Variants in BMP5 observed in about 807,000 individuals in gnomAD.
BMP5 encodes the protein bone morphogenetic protein 5.
In BMP5, 23 loss-of-function variants were observed where a neutral mutation model predicts 46.6. The observed-to-expected ratio is 0.49, with a 90% CI of 0.35 to 0.70. The LOEUF (loss-of-function observed/expected upper bound fraction) is 0.70, where lower values mean the gene tolerates loss of function less well. BMP5 is among the 30% of genes least tolerant of loss of function. The probability of loss-of-function intolerance (pLI) is 0.00; values close to 1 mark genes in which losing one functional copy is unlikely to be tolerated. For missense variants in BMP5, 545 were observed against 565.6 expected, an observed-to-expected ratio of 0.96 and a Z score of 0.37; for synonymous variants, 204 against 191.9, an observed-to-expected ratio of 1.06 and a Z score of -0.52.
chr6:55,793,247 T>A (rs1775617775), intron 3 of BMP5, among the ~76,000 whole-genome samples: 2 of 152,132 alleles, frequency 1.3e-5, no homozygotes, highest in Non-Finnish European at 2.9e-5. Flanking sequence ...AGTCTGCAAA[T>A]TCTGTTCCAT....
At chr6:55,797,618 T>C (rs942102276) in intron 2 of BMP5, among the ~76,000 whole-genome samples, 3 of 144,342 alleles carry the variant, frequency 2.1e-5, no homozygotes, top group East Asian at 2.0e-4. Flanking sequence ...TCTTTTCTTT[T>C]TTTTTTTTTT....
chr6:55,763,867 A>G (rs1235765306), intron 4 of BMP5, among the ~76,000 whole-genome samples: 1 of 152,182 alleles, frequency 6.6e-6, no homozygotes, highest in African/African-American at 2.4e-5. Context: ...ATTTCTAGAT[A>G]TTGTATAAAT....
chr6:55,785,622 A>G (rs143898195), intron 3 of BMP5, among the ~76,000 whole-genome samples: 1 of 151,964 alleles, frequency 6.6e-6, no homozygotes, highest in African/African-American at 2.4e-5. Context: ...AAATCTAGTC[A>G]TGTTTACCAT....
At chr6:55,777,428 T>G (rs908856268) in intron 3 of BMP5, among the ~76,000 whole-genome samples, 6 of 152,154 alleles carry the variant, frequency 3.9e-5, no homozygotes, top group Non-Finnish European at 8.8e-5. Context: ...TGTATCAACA[T>G]GGATTTAATT....
intron 4 of BMP5, among the ~76,000 whole-genome samples, chr6:55,764,360 T>G (rs1377021270): frequency 6.6e-6 from 1 of 151,832 alleles, no homozygotes; most frequent in Non-Finnish European, 1.5e-5. Context: ...GATCACGAGG[T>G]CAGAAGATCG....
chr6:55,864,637 A>T (rs1321793621), intron 1 of BMP5, among the ~76,000 whole-genome samples: 1 of 152,198 alleles, frequency 6.6e-6, no homozygotes, highest in Non-Finnish European at 1.5e-5. Flanking sequence ...ACAGACTGAG[A>T]CATCATATTA....
At chr6:55,759,184 C>CAA in intron 5 of BMP5, 69 bp from the exon 6 acceptor site, 1 of 359,298 alleles carries the variant, frequency 2.8e-6, no homozygotes, top group Non-Finnish European at 4.1e-6. Context: ...AAAAAAAAAA[C>CAA]AACAAGAAAA....
At chr6:55,827,717 G>A (rs766824259) in intron 1 of BMP5, among the ~76,000 whole-genome samples, 13 of 151,732 alleles carry the variant, frequency 8.6e-5, no homozygotes, top group Non-Finnish European at 1.5e-4. Context: ...TGAGTTAAAC[G>A]TTAATATTAA....
chr6:55,768,950 G>A (rs1241303095), intron 4 of BMP5, among the ~76,000 whole-genome samples: 1 of 151,760 alleles, frequency 6.6e-6, no homozygotes, highest in Non-Finnish European at 1.5e-5. Context: ...GTGTGTAATT[G>A]GATTATATCT....
At chr6:55,819,993 T>C (rs1225387126) in intron 1 of BMP5, 146 bp from the exon 2 acceptor site, 1 of 720,626 alleles carries the variant, frequency 1.4e-6, no homozygotes, top group Non-Finnish European at 2.3e-6. Flanking sequence ...AACTGAAACG[T>C]GTTTCCAGTT....
chr6:55,798,683 C>T lies in BMP5; in HGVS notation c.684-4256G>A, dbSNP rs565296494. 4.6e-5 allele frequency among the ~76,000 whole-genome samples: 7 copies of T among 152,214 alleles called. No individual in the cohort carries two copies. In the East Asian group the frequency reaches 1.2e-3, roughly 25 times the overall value. Reference sequence around the variant, plus strand: ...TATTTTGGAATATTAAGTTTAGCTGCTCAAAGGTGAATAGTAATATATAAT... The same window carrying T: ...TATTTTGGAATATTAAGTTTAGCTGTTCAAAGGTGAATAGTAATATATAAT... On this transcript the variant is annotated intron_variant, in intron 2 of 6. Transcript: ENST00000370830.
intron 3 of BMP5, among the ~76,000 whole-genome samples, chr6:55,794,048 A>G (rs1775641613): frequency 6.6e-6 from 1 of 152,198 alleles, no homozygotes; most frequent in African/African-American, 2.4e-5. Context: ...TGAGAACAGT[A>G]GCAGTACCTA....
At chr6:55,834,651 A>G (rs1236388992) in intron 1 of BMP5, among the ~76,000 whole-genome samples, 1 of 152,192 alleles carries the variant, frequency 6.6e-6, no homozygotes, top group Non-Finnish European at 1.5e-5. Flanking sequence ...AATACACGCC[A>G]TCCTTTCCCC....
chr6:55,803,942 T>C (rs1257847484), intron 2 of BMP5, among the ~76,000 whole-genome samples: 1 of 152,194 alleles, frequency 6.6e-6, no homozygotes, highest in East Asian at 1.9e-4. Context: ...GAAGCTAACT[T>C]TAGACCCATC....
Position 55,840,576 on chromosome 6 carries a change from G to T in BMP5, c.491-20729C>A, listed in dbSNP as rs9367667. On this transcript the variant is annotated intron_variant, in intron 1 of 6. Coordinates refer to ENST00000370830, the MANE Select transcript of BMP5 (RefSeq NM_021073.4). ...TCTTCCAGCATTTCTTATCATATAG[G>T]TTGTGTTGCTTTGAAATATTTGTAC... Among the ~76,000 whole-genome samples the T allele has an allele frequency of 2.6e-5, 4 of 151,926 alleles. No homozygotes were observed. In the East Asian group the frequency reaches 7.7e-4, roughly 29 times the overall value.
Position 55,850,152 on chromosome 6 carries a change from A to G in BMP5, c.490+24224T>C, listed in dbSNP as rs188811961. 7.4e-4 allele frequency among the ~76,000 whole-genome samples: 112 copies of G among 152,228 alleles called. No homozygotes were observed. In the East Asian group the frequency reaches 0.017, roughly 23 times the overall value. On this transcript the variant is annotated intron_variant, in intron 1 of 6. Transcript: ENST00000370830. The stretch of plus-strand genomic sequence containing the variant: ...TCTACAAGTTGCACAACCTTTACCA[A>G]GTTACTTGACTTTTAGCTTTTATTC...
intron 2 of BMP5, among the ~76,000 whole-genome samples, chr6:55,818,818 G>A (rs557510144): frequency 1.3e-5 from 2 of 152,244 alleles, no homozygotes; most frequent in South Asian, 4.1e-4. Flanking sequence ...AATCAAAAAA[G>A]GATATATTAT....
intron 1 of BMP5, among the ~76,000 whole-genome samples, chr6:55,823,066 A>T (rs1776446372): frequency 6.6e-6 from 1 of 152,100 alleles, no homozygotes; most frequent in Non-Finnish European, 1.5e-5. Context: ...AACACTAGGG[A>T]GGTGGCAAAT....
chr6:55,819,687 G>T lies in BMP5; in HGVS notation c.651C>A (p.Ser217Arg). 6.2e-7 allele frequency: 1 copy of T among 1,613,194 alleles called. No homozygotes were observed. The highest frequency in any genetic ancestry group is 8.5e-7 in the Non-Finnish European group (1 of 1,179,404). ...TGTATTCCTTGATGATTTGATATAT[G>T]CTAATCTTAATTGTTTCATTTTCAA... is the stretch of plus-strand genomic sequence containing the variant. ...NRFENETIKI[S>R]IYQIIKEYTN... The change falls in exon 2 of 7, where the codon AGC becomes AGA. Residue 217 changes from serine to arginine, a missense_variant. Ser to Arg is a moderately radical substitution (Grantham distance 110, BLOSUM62 -1). Coordinates refer to ENST00000370830, the MANE Select transcript of BMP5 (RefSeq NM_021073.4).
Sources: gnomAD v4.1 joint callset for allele counts (sites outside exome capture counted in the v4.1 genomes callset) on GRCh38, gnomAD v4.1.1 for gene constraint, MANE v1.5 for transcripts, NCBI Gene and HGNC (gene_info 2026-07-23, HGNC 2026-07-21) for gene names.